ITGB6: variants seen among roughly 807,000 people sequenced by gnomAD.
The protein encoded by ITGB6 is integrin subunit beta 6, also known as integrin beta-6.
In ITGB6, 80 loss-of-function variants were observed where a neutral mutation model predicts 84.5. The ratio of observed to expected loss-of-function variants is 0.95; its 90% CI spans 0.79 to 1.14. ITGB6 has a LOEUF of 1.14. Among genes scored for constraint, ITGB6 ranks in the 50% most tolerant of loss-of-function variants. ITGB6 has a pLI of 0.00. For synonymous variants in ITGB6, 383 were observed against 354.9 expected (o/e 1.08, Z -0.89); for missense variants, 1,006 against 968.0 (o/e 1.04, Z -0.52).
intron 14 of ITGB6, among the ~76,000 whole-genome samples, chr2:160,107,462 A>T (rs1696952409): frequency 6.6e-6 from 1 of 152,116 alleles, no homozygotes; most frequent in Non-Finnish European, 1.5e-5. Context: ...TCGTGGTGGA[A>T]ATCCCCACCG....
intron 10 of ITGB6, among the ~76,000 whole-genome samples, chr2:160,128,460 G>A (rs1043863774): frequency 2.0e-5 from 3 of 152,170 alleles, no homozygotes; most frequent in African/African-American, 7.2e-5. Context: ...TGAAGGAAGA[G>A]CTTCTATCCT....
intron 4 of ITGB6, among the ~76,000 whole-genome samples, chr2:160,190,811 A>G (rs1290588544): frequency 3.3e-5 from 5 of 152,148 alleles, no homozygotes; most frequent in African/African-American, 1.2e-4. Flanking sequence ...CAACCTTGTT[A>G]ATTTTAGTTA....
At chr2:160,176,594 G>A (rs1014259375) in intron 4 of ITGB6, among the ~76,000 whole-genome samples, 2 of 152,176 alleles carry the variant, frequency 1.3e-5, no homozygotes, top group African/African-American at 2.4e-5. Flanking sequence ...AGGCTTGAAT[G>A]GGATCAAACA....
At chr2:160,175,994 C>T (rs182778387) in intron 4 of ITGB6, among the ~76,000 whole-genome samples, 1 of 152,284 alleles carries the variant, frequency 6.6e-6, no homozygotes, top group East Asian at 1.9e-4. Flanking sequence ...AGTAAGGATG[C>T]TCTCACCGGG....
chr2:160,165,062 A>G (rs1684954810), intron 7 of ITGB6, among the ~76,000 whole-genome samples: 1 of 152,230 alleles, frequency 6.6e-6, no homozygotes, highest in South Asian at 2.1e-4. Context: ...TTTCCATTAC[A>G]CTTAAATAAA....
intron 8 of ITGB6, among the ~76,000 whole-genome samples, chr2:160,139,471 A>T (rs527997228): frequency 2.0e-5 from 3 of 152,272 alleles, no homozygotes; most frequent in African/African-American, 7.2e-5. Context: ...TTCCTCCAAA[A>T]TCTGTTTATA....
At chr2:160,193,944 G>A (rs1021256699) in intron 4 of ITGB6, among the ~76,000 whole-genome samples, 1 of 152,178 alleles carries the variant, frequency 6.6e-6, no homozygotes, top group African/African-American at 2.4e-5. Context: ...ATCGCTTGAG[G>A]TCAGGAGTTT....
intron 4 of ITGB6, among the ~76,000 whole-genome samples, chr2:160,175,365 C>T (rs180907628): frequency 1.1e-4 from 16 of 152,256 alleles, no homozygotes; most frequent in African/African-American, 3.1e-4. Context: ...CTGAGTCATT[C>T]GTGGACATGT....
chr2:160,193,700 A>G (rs1357773552), intron 4 of ITGB6, among the ~76,000 whole-genome samples: 1 of 152,226 alleles, frequency 6.6e-6, no homozygotes, highest in Admixed American at 6.5e-5. Context: ...TGAAATGAAG[A>G]AGTAATGATT....
At chr2:160,120,668 T>TAAAAAAAA (rs200095827) in intron 12 of ITGB6, among the ~76,000 whole-genome samples, 2 of 16,116 alleles carry the variant, frequency 1.2e-4, no homozygotes, top group Non-Finnish European at 2.4e-4. Context: ...AGAGTATAAT[T>TAAAAAAAA]AAAAAAAAAA....
At chr2:160,108,601 G>C (rs1475229247) in intron 13 of ITGB6, among the ~76,000 whole-genome samples, 1 of 152,118 alleles carries the variant, frequency 6.6e-6, no homozygotes, top group African/African-American at 2.4e-5. Context: ...ATACCAATAA[G>C]CTGAACTGTT....
intron 4 of ITGB6, among the ~76,000 whole-genome samples, chr2:160,181,301 G>C (rs1250354317): frequency 1.3e-5 from 2 of 152,300 alleles, no homozygotes; most frequent in East Asian, 3.9e-4. Flanking sequence ...AGCTTGGTAG[G>C]GGGAGGGGCA....
At chr2:160,158,147 G>C (rs957851708) in intron 7 of ITGB6, among the ~76,000 whole-genome samples, 1 of 152,202 alleles carries the variant, frequency 6.6e-6, no homozygotes, top group Non-Finnish European at 1.5e-5. Context: ...GCTTTCGATT[G>C]TCAGCATTCC....
At chr2:160,138,026 C>A in intron 9 of ITGB6, 39 bp downstream of exon 9, 1 of 1,580,518 alleles carries the variant, frequency 6.3e-7, no homozygotes, top group South Asian at 1.2e-5. Flanking sequence ...CTGACCCATC[C>A]AGGTATTTAT....
chr2:160,170,736 C>G (rs1685170305), intron 6 of ITGB6, among the ~76,000 whole-genome samples: 1 of 152,180 alleles, frequency 6.6e-6, no homozygotes, highest in African/African-American at 2.4e-5. Context: ...ATGTTGCAGG[C>G]AGGCATAGAT....
intron 4 of ITGB6, among the ~76,000 whole-genome samples, chr2:160,182,101 A>G (rs1296466298): frequency 6.6e-6 from 1 of 152,116 alleles, no homozygotes; most frequent in Non-Finnish European, 1.5e-5. Flanking sequence ...AAGGATTACA[A>G]CTCCTCGCCA....
chr2:160,141,654 T>G (rs906170768), intron 8 of ITGB6, among the ~76,000 whole-genome samples: 1 of 152,198 alleles, frequency 6.6e-6, no homozygotes, highest in Non-Finnish European at 1.5e-5. Context: ...AAACTTCATT[T>G]TTTTTCAGAT....
At chr2:160,124,956 G>C (rs1490335374) in intron 11 of ITGB6, among the ~76,000 whole-genome samples, 2 of 152,204 alleles carry the variant, frequency 1.3e-5, no homozygotes, top group African/African-American at 4.8e-5. Context: ...TTTTGAAGGG[G>C]TCTGGTGATT....
In ITGB6 at chr2:160,155,992, C is replaced by T. The variant is rs76395898; in HGVS notation, c.1017+13220G>A. Among the ~76,000 whole-genome samples, 207 of 152,298 alleles carry T rather than the reference C, an allele frequency of 1.4e-3. 1 individual carries two copies. The highest frequency in any genetic ancestry group is 4.7e-3 in the African/African-American group (194 of 41,572). On this transcript the variant is annotated intron_variant, in intron 7 of 14. Coordinates refer to ENST00000283249, the MANE Select transcript of ITGB6 (RefSeq NM_000888.5). Reference sequence around the variant, plus strand: ...ACAACTATTTTGGAAAACTAGTTAGCAGTATCTACTAAAGCTGAACATAAG... The same window carrying T: ...ACAACTATTTTGGAAAACTAGTTAGTAGTATCTACTAAAGCTGAACATAAG...
Sources: allele counts gnomAD v4.1 joint callset (sites outside exome capture counted in the v4.1 genomes callset), GRCh38; gene constraint gnomAD v4.1.1; transcripts MANE v1.5; gene names NCBI Gene and HGNC (gene_info 2026-07-23, HGNC 2026-07-21).